The following CCSER1 variants were observed in gnomAD, a reference collection of about 807,000 sequenced individuals.
CCSER1 encodes the protein serine-rich coiled-coil domain-containing protein 1.
In CCSER1, 41 loss-of-function variants were observed where a neutral mutation model predicts 82.0. The ratio of observed to expected loss-of-function variants is 0.50; its 90% confidence interval spans 0.39 to 0.65. The LOEUF (loss-of-function observed/expected upper bound fraction) is 0.65, where lower values mean the gene tolerates loss of function less well. Ranked by LOEUF, CCSER1 falls within the 30% of genes least tolerant of loss-of-function variation. The pLI is 0.00. For synonymous variants in CCSER1, 414 were observed against 383.9 expected (o/e 1.08, Z -0.92); for missense variants, 1,119 against 1,064.2 (o/e 1.05, Z -0.72).
intron 5 of CCSER1, among the ~76,000 whole-genome samples, chr4:90,598,393 A>G (rs904863900): frequency 6.6e-6 from 1 of 152,114 alleles, no homozygotes; most frequent in Non-Finnish European, 1.5e-5. Flanking sequence ...AACATTAGGT[A>G]TATCTCCTCA....
At chr4:91,315,164 TGTG>T (rs749286679) in intron 10 of CCSER1, among the ~76,000 whole-genome samples, 18 of 151,700 alleles carry the variant, frequency 1.2e-4, no homozygotes, top group Non-Finnish European at 2.2e-4. Context: ...TGTGTGTGTG[TGTG>T]TGTGTGTGTG....
chr4:90,167,562 G>A (rs1730715513), intron 1 of CCSER1, among the ~76,000 whole-genome samples: 1 of 152,224 alleles, frequency 6.6e-6, no homozygotes, highest in East Asian at 1.9e-4. Context: ...CCATGTTGGT[G>A]CGCCGCACCC....
intron 10 of CCSER1, among the ~76,000 whole-genome samples, chr4:91,397,322 T>G (rs1032356937): frequency 3.2e-4 from 49 of 152,002 alleles, no homozygotes; most frequent in African/African-American, 1.2e-3. Flanking sequence ...CCATTTTGTA[T>G]AAGGATACAT....
intron 10 of CCSER1, among the ~76,000 whole-genome samples, chr4:91,426,018 C>T (rs1309160652): frequency 6.6e-6 from 1 of 152,138 alleles, no homozygotes; most frequent in Non-Finnish European, 1.5e-5. Flanking sequence ...AGGTATTCCT[C>T]CTAATGTTAT....
intron 9 of CCSER1, among the ~76,000 whole-genome samples, chr4:90,943,333 T>A (rs1731817695): frequency 6.6e-6 from 1 of 152,226 alleles, no homozygotes; most frequent in African/African-American, 2.4e-5. Context: ...ATATTTCTAG[T>A]ACAATTTTTA....
At chr4:90,451,411 G>T (rs543406420) in intron 4 of CCSER1, among the ~76,000 whole-genome samples, 7 of 152,144 alleles carry the variant, frequency 4.6e-5, no homozygotes, top group Non-Finnish European at 1.0e-4. Flanking sequence ...AGGGGGACAC[G>T]CCATTGACTG....
At chr4:90,175,292 G>C (rs535948518) in intron 1 of CCSER1, among the ~76,000 whole-genome samples, 1 of 152,050 alleles carries the variant, frequency 6.6e-6, no homozygotes, top group East Asian at 1.9e-4. Context: ...TACAATTCTA[G>C]AAAATGCAAC....
chr4:91,534,245 T>C (rs1175220490), intron 10 of CCSER1, among the ~76,000 whole-genome samples: 1 of 152,104 alleles, frequency 6.6e-6, no homozygotes, highest in Non-Finnish European at 1.5e-5. Context: ...TATAGTCTCT[T>C]AAATCTGCTA....
intron 8 of CCSER1, among the ~76,000 whole-genome samples, chr4:90,849,655 G>C (rs1763607675): frequency 6.6e-6 from 1 of 151,838 alleles, no homozygotes; most frequent in Non-Finnish European, 1.5e-5. Flanking sequence ...CAGATGTGGT[G>C]GCAGGCGCCT....
chr4:91,358,394 G>T (rs72656140), intron 10 of CCSER1, among the ~76,000 whole-genome samples: 64,401 of 101,728 alleles, frequency 0.63, 17,348 homozygotes, highest in East Asian at 0.84. Context: ...GACCCACGTT[G>T]TTTTTTTTTT....
At chr4:91,592,597 G>A (rs958210285) in intron 10 of CCSER1, among the ~76,000 whole-genome samples, 1 of 151,952 alleles carries the variant, frequency 6.6e-6, no homozygotes, top group Admixed American at 6.6e-5. Context: ...TACAAGAACT[G>A]TAACCAAGAA....
chr4:90,549,399 T>C (rs1246623370), intron 5 of CCSER1, among the ~76,000 whole-genome samples: 2 of 151,768 alleles, frequency 1.3e-5, no homozygotes, highest in Non-Finnish European at 2.9e-5. Flanking sequence ...ATAAGAGAAG[T>C]CACGATAAAA....
intron 3 of CCSER1, among the ~76,000 whole-genome samples, chr4:90,348,961 T>A (rs1312401316): frequency 6.6e-6 from 1 of 152,184 alleles, no homozygotes. Context: ...TTTATTTATC[T>A]CTGTGGCTAG....
At chr4:90,226,267 C>T (rs1283857675) in intron 1 of CCSER1, among the ~76,000 whole-genome samples, 1 of 152,218 alleles carries the variant, frequency 6.6e-6, no homozygotes, top group African/African-American at 2.4e-5. Flanking sequence ...GATACACAGT[C>T]ATGTTAAGCC....
At chr4:91,325,199 C>T (rs751254142) in intron 10 of CCSER1, 6 of 455,974 alleles carry the variant, frequency 1.3e-5, no homozygotes, top group Non-Finnish European at 2.6e-5. Context: ...GTAGGTGGCT[C>T]TTGCCATTAT....
intron 6 of CCSER1, among the ~76,000 whole-genome samples, chr4:90,675,583 A>G (rs11731861): frequency 0.12 from 16,920 of 144,616 alleles, 2,622 homozygotes; most frequent in East Asian, 0.31. Flanking sequence ...TTTGATGTTG[A>G]TGTATTTGAA....
chr4:90,302,314 A>G (rs936221354), intron 1 of CCSER1, among the ~76,000 whole-genome samples: 20 of 152,212 alleles, frequency 1.3e-4, no homozygotes, highest in African/African-American at 4.8e-4. Flanking sequence ...GAGGATATGT[A>G]AAGGAGGAGT....
At chr4:91,038,355 A>T (rs1294306585) in intron 9 of CCSER1, among the ~76,000 whole-genome samples, 2 of 152,360 alleles carry the variant, frequency 1.3e-5, no homozygotes, top group South Asian at 4.1e-4. Flanking sequence ...AAAAAAATAT[A>T]TAATTAAGTG....
chr4:90,812,129 G>A (rs1370228376), intron 7 of CCSER1, among the ~76,000 whole-genome samples: 2 of 151,952 alleles, frequency 1.3e-5, no homozygotes, highest in Non-Finnish European at 2.9e-5. Context: ...ATGTTCAAGG[G>A]CAGGAAGCAT....
Sources: allele counts gnomAD v4.1 joint callset (sites outside exome capture counted in the v4.1 genomes callset), GRCh38; gene constraint gnomAD v4.1.1; transcripts MANE v1.5; gene names NCBI Gene and HGNC (gene_info 2026-07-23, HGNC 2026-07-21).